The following OR5V1 variants were observed in gnomAD, a reference collection of about 807,000 sequenced individuals.
The protein encoded by OR5V1 is olfactory receptor 5V1.
For missense variants in OR5V1, 365 were observed against 371.5 expected, an observed-to-expected ratio of 0.98 and a Z score of 0.14; for synonymous variants, 134 against 143.2, an observed-to-expected ratio of 0.94 and a Z score of 0.46.
intron 1 of OR5V1, among the ~76,000 whole-genome samples, chr6:29,365,376 A>G (rs557778986): frequency 6.6e-6 from 1 of 152,254 alleles, no homozygotes; most frequent in Admixed American, 6.5e-5. Flanking sequence ...AAACCTACAG[A>G]ATGGGAGAAA....
chr6:29,360,354 A>G (rs1348987950), intron 1 of OR5V1, among the ~76,000 whole-genome samples: 3 of 152,172 alleles, frequency 2.0e-5, no homozygotes, highest in Non-Finnish European at 2.9e-5. Context: ...AGACTTAAGC[A>G]TTCCTGCCTG....
At chr6:29,362,523 C>A (rs1049163331) in intron 1 of OR5V1, among the ~76,000 whole-genome samples, 2 of 152,126 alleles carry the variant, frequency 1.3e-5, no homozygotes, top group African/African-American at 2.4e-5. Flanking sequence ...CTAAAATCGA[C>A]CACATAATTG....
rs1317318424 is a variant in OR5V1, at chr6:29,355,395, T to G, written c.801A>C (p.Ser267=). The G allele has an allele frequency of 6.2e-7, 1 of 1,613,948 alleles. No homozygotes were observed. The highest frequency in any genetic ancestry group is 8.5e-7 in the Non-Finnish European group (1 of 1,179,894). Residue 267 remains serine, a synonymous_variant, in exon 2 of 2, where the codon TCA becomes TCC. Transcript: ENST00000641768. ...CTGAAACCAACCTATCTTTCTTTAA[T>G]GAGTAAGTTGAGATGGGCCGTACAT... ...FTYVRPISTY[S]LKKDRLVSVL...
chr6:29,357,421 G>A (rs1450015166), intron 1 of OR5V1, among the ~76,000 whole-genome samples: 1 of 152,056 alleles, frequency 6.6e-6, no homozygotes, highest in Non-Finnish European at 1.5e-5. Flanking sequence ...TCAGTTGAGT[G>A]GCTAAAAATT....
intron 1 of OR5V1, among the ~76,000 whole-genome samples, chr6:29,363,927 T>C (rs1778713913): frequency 6.6e-6 from 1 of 152,166 alleles, no homozygotes; most frequent in Admixed American, 6.5e-5. Flanking sequence ...TTCCACATAG[T>C]ATTGGAAGTT....
Position 29,355,176 on chromosome 6 carries a change from G to A in OR5V1, c.*54C>T. On this transcript the variant is annotated 3_prime_UTR_variant, in exon 2 of 2. Transcript: ENST00000641768. The stretch of plus-strand genomic sequence containing the variant: ...ATCTTTTAAACTTTCAATAAAAACA[G>A]CTGACTGGTGAAAAAGTTAATTTTG... The A allele has an allele frequency of 2.7e-6, 4 of 1,506,434 alleles. No homozygotes were observed. The South Asian group carries it at 5.5e-5, about 21-fold the overall frequency. The allele number at this position is 1,506,434 out of a possible 1,614,324, so 93.3% of individuals were successfully genotyped here. A position where few individuals can be genotyped will look rare whatever the true frequency, so the allele number is the denominator to read the frequency against.
At chr6:29,367,504 T>G (rs977711559) in intron 1 of OR5V1, among the ~76,000 whole-genome samples, 9 of 152,196 alleles carry the variant, frequency 5.9e-5, no homozygotes, top group African/African-American at 2.2e-4. Flanking sequence ...ACAATTGTAT[T>G]TCCTCCCTTT....
intron 1 of OR5V1, among the ~76,000 whole-genome samples, chr6:29,365,354 G>A (rs938538340): frequency 1.3e-5 from 2 of 149,292 alleles, no homozygotes; most frequent in Non-Finnish European, 3.0e-5. Flanking sequence ...AACTATCATC[G>A]GACTGAACAG....
rs949286483 is a variant in OR5V1 at position 29,368,710 on chromosome 6, G to T, written c.-161C>A. On this transcript the variant is annotated 5_prime_UTR_variant, in exon 1 of 2. Transcript: ENST00000641768. Reference sequence around the variant, plus strand: ...ATGGGGCTGTTTTTAAGAATACAACGAAGTAACACAAAATAATGTTCCCTA... The same window carrying T: ...ATGGGGCTGTTTTTAAGAATACAACTAAGTAACACAAAATAATGTTCCCTA... The T allele has an allele frequency of 6.6e-6, 1 of 152,114 alleles. No individual in the cohort carries two copies. Among genetic ancestry groups the T allele is most frequent in the African/African-American group, 2.4e-5 (1 of 41,416 alleles). The allele number at this position is 152,114 out of a possible 1,614,324, so 9.4% of individuals were successfully genotyped here.
rs1778148731 is a variant in OR5V1 at position 29,354,269 on chromosome 6, A to G, written c.*961T>C. 1 of 151,776 alleles carries G rather than the reference A, an allele frequency of 6.6e-6. No homozygotes were observed. The highest frequency in any genetic ancestry group is 6.6e-5 in the Admixed American group (1 of 15,216). The allele number at this position is 151,776 out of a possible 1,614,324, so 9.4% of individuals were successfully genotyped here. The stretch of plus-strand genomic sequence containing the variant: ...TCTTTATCTTTTAAATTTTCTCTCC[A>G]GTGTCTGTATTTATTTCTCTCTTCC... On this transcript the variant is annotated 3_prime_UTR_variant, in exon 2 of 2. Coordinates refer to ENST00000641768, the MANE Select transcript of OR5V1 (RefSeq NM_030876.6).
In OR5V1 at chr6:29,355,697, G is replaced by T; in HGVS notation, c.499C>A (p.Pro167Thr). The T allele has an allele frequency of 1.2e-6, 2 of 1,614,024 alleles. No homozygotes were observed. The highest frequency in any genetic ancestry group is 1.1e-5 in the South Asian group (1 of 91,084). ...TTAATCTGATTGTTGCCACAGAAGG[G>T]CAGGCAGAATGTCAACACTGTATGC... ...VVHTVLTFCLPFCGNNQINYF... is the reference protein window; with the variant it reads ...VVHTVLTFCLTFCGNNQINYF... Residue 167 changes from proline (P) to threonine (T), a missense_variant, in exon 2 of 2, where the codon CCC (proline) becomes ACC (threonine). Pro to Thr is a conservative substitution (Grantham distance 38). Transcript: ENST00000641768.
rs9257770 is a variant in OR5V1 at position 29,356,061 on chromosome 6, A to C, written c.135T>G (p.Ile45Met). 0.022 allele frequency: 35,273 copies of C among 1,613,862 alleles called. 451 individuals carry two copies. The highest frequency in any genetic ancestry group is 0.05 in the East Asian group (2,252 of 44,870). Reference sequence around the variant, plus strand: ...GTGGATCAGTCACAGTCGTCAAGATAATTAATATATTTCCTCCCAAAGTAC... The same window carrying C: ...GTGGATCAGTCACAGTCGTCAAGATCATTAATATATTTCCTCCCAAAGTAC... ...YFCTLGGNIL[I>M]ILTTVTDPHL... Residue 45 changes from isoleucine (I) to methionine (M), a missense_variant, in exon 2 of 2, where the codon ATT becomes ATG. Coordinates refer to ENST00000641768, the MANE Select transcript of OR5V1 (RefSeq NM_030876.6).
At position 29,353,846 on chromosome 6, in the gene OR5V1, G is replaced by T. The variant is rs920119420; in HGVS notation, c.*1384C>A. The T allele has an allele frequency of 1.3e-5, 2 of 151,954 alleles. No individual in the cohort carries two copies. Among genetic ancestry groups the T allele is most frequent in the African/African-American group, 2.4e-5 (1 of 41,386 alleles). 9.4% of individuals were successfully genotyped at this position (151,954 alleles called of 1,614,324 possible). ...TAGTACTTAGATTTTATAGACAGTGGTTACAAATATATTTAGTTAAATGAA... is the reference window on the plus strand; with the variant it reads ...TAGTACTTAGATTTTATAGACAGTGTTTACAAATATATTTAGTTAAATGAA... On this transcript the variant is annotated 3_prime_UTR_variant, in exon 2 of 2. Transcript: ENST00000641768.
chr6:29,356,024 G>C lies in OR5V1; in HGVS notation c.172C>G (p.Pro58Ala). The C allele has an allele frequency of 6.2e-7, 1 of 1,614,010 alleles. No homozygotes were observed. Among genetic ancestry groups the C allele is most frequent in the Non-Finnish European group, 8.5e-7 (1 of 1,179,940 alleles). The change falls in exon 2 of 2, where the codon CCT becomes GCT. Residue 58 changes from proline (P) to alanine (A), a missense_variant. Transcript: ENST00000641768. ...TTVTDPHLHT[P>A]MYYFLGNLAF... ...AAGTTCCCTAGAAAATAATACATAG[G>C]TGTATGCAGGTGTGGATCAGTCACA...
At position 29,355,712 on chromosome 6, in the gene OR5V1, A is replaced by G. The variant is rs751695573; in HGVS notation, c.484T>C (p.Leu162=). The G allele has an allele frequency of 2.5e-6, 4 of 1,614,050 alleles. 1 individual carries two copies. Among genetic ancestry groups the G allele is most frequent in the South Asian group, 2.2e-5 (2 of 91,088 alleles). ...GFLNSVVHTV[L]TFCLPFCGNN... Reference sequence around the variant, plus strand: ...CCACAGAAGGGCAGGCAGAATGTCAACACTGTATGCACCACTGAGTTAAGG... The same window carrying G: ...CCACAGAAGGGCAGGCAGAATGTCAGCACTGTATGCACCACTGAGTTAAGG... Residue 162 remains leucine (L), a synonymous_variant, in exon 2 of 2, where the codon TTG becomes CTG. Coordinates refer to ENST00000641768, the MANE Select transcript of OR5V1 (RefSeq NM_030876.6).
chr6:29,367,707 A>C (rs1217731788), intron 1 of OR5V1, among the ~76,000 whole-genome samples: 1 of 152,184 alleles, frequency 6.6e-6, no homozygotes, highest in Non-Finnish European at 1.5e-5. Context: ...ATCTAGAACA[A>C]CATCCTGCAG....
intron 1 of OR5V1, among the ~76,000 whole-genome samples, chr6:29,360,945 T>G (rs1459601500): frequency 2.0e-5 from 3 of 152,154 alleles, no homozygotes; most frequent in Non-Finnish European, 4.4e-5. Context: ...GTTTGATGAA[T>G]TCACAGAAGT....
chr6:29,353,874 G>A lies in OR5V1; in HGVS notation c.*1356C>T, dbSNP rs917548072. The A allele has an allele frequency of 6.6e-6, 1 of 152,154 alleles. No individual in the cohort carries two copies. The highest frequency in any genetic ancestry group is 2.4e-5 in the African/African-American group (1 of 41,536). The allele number at this position is 152,154 out of a possible 1,614,324, so 9.4% of individuals were successfully genotyped here. A position where few individuals can be genotyped will look rare whatever the true frequency, so the allele number is the denominator to read the frequency against. On this transcript the variant is annotated 3_prime_UTR_variant, in exon 2 of 2. Coordinates refer to ENST00000641768, the MANE Select transcript of OR5V1 (RefSeq NM_030876.6). ...ACAAATATATTTAGTTAAATGAAGAGTGTGCCAGTAAGCCAGTAGAGTTTA... is the reference window on the plus strand; with the variant it reads ...ACAAATATATTTAGTTAAATGAAGAATGTGCCAGTAAGCCAGTAGAGTTTA...
intron 1 of OR5V1, among the ~76,000 whole-genome samples, chr6:29,368,260 T>C (rs1441808754): frequency 3.3e-5 from 5 of 152,236 alleles, no homozygotes; most frequent in African/African-American, 1.2e-4. Context: ...AGATGGTTTC[T>C]TGTGAGAAAG....
Sources: gnomAD v4.1 joint callset for allele counts (sites outside exome capture counted in the v4.1 genomes callset) on GRCh38, gnomAD v4.1.1 for gene constraint, MANE v1.5 for transcripts, NCBI Gene and HGNC (gene_info 2026-07-23, HGNC 2026-07-21) for gene names.